Variants in ZNF423 observed in about 807,000 individuals in gnomAD.
ZNF423 encodes the protein Ebf-associated zinc finger protein.
In ZNF423, 12 loss-of-function variants were observed where a neutral mutation model predicts 95.8. The ratio of observed to expected loss-of-function variants is 0.13; its 90% CI spans 0.08 to 0.20. The LOEUF (loss-of-function observed/expected upper bound fraction) is 0.20. ZNF423 is among the 10% of genes least tolerant of loss of function. The pLI, the probability that ZNF423 is intolerant of heterozygous loss-of-function variation, is 1.00. For missense variants in ZNF423, 1,316 were observed against 1,737.1 expected, an observed-to-expected ratio of 0.76 and a Z score of 4.31; for synonymous variants, 749 against 711.9, an observed-to-expected ratio of 1.05 and a Z score of -0.83.
intron 5 of ZNF423, among the ~76,000 whole-genome samples, chr16:49,532,322 G>A (rs542782490): frequency 1.3e-5 from 2 of 152,244 alleles, no homozygotes; most frequent in East Asian, 3.9e-4. Context: ...ACCCTTCGGT[G>A]TCCTCCTCAC....
intron 4 of ZNF423, among the ~76,000 whole-genome samples, chr16:49,629,335 T>C (rs1972415800): frequency 6.6e-6 from 1 of 152,244 alleles, no homozygotes; most frequent in African/African-American, 2.4e-5. Flanking sequence ...TTATACTTAG[T>C]GTAATTGTCA....
chr16:49,763,503 G>A (rs1469639981), intron 2 of ZNF423, among the ~76,000 whole-genome samples: 1 of 152,032 alleles, frequency 6.6e-6, no homozygotes, highest in Non-Finnish European at 1.5e-5. Flanking sequence ...TTACATAAAT[G>A]AGCACACAAA....
At chr16:49,723,955 C>A (rs765074340) in intron 3 of ZNF423, among the ~76,000 whole-genome samples, 5 of 152,252 alleles carry the variant, frequency 3.3e-5, no homozygotes, top group Non-Finnish European at 5.9e-5. Context: ...TGTCCCCACT[C>A]CCTGTTCCTT....
At chr16:49,622,327 G>A (rs1447950387) in intron 5 of ZNF423, among the ~76,000 whole-genome samples, 3 of 152,058 alleles carry the variant, frequency 2.0e-5, no homozygotes, top group Non-Finnish European at 4.4e-5. Context: ...TATCGGAGGT[G>A]CTCCATGGCT....
intron 5 of ZNF423, among the ~76,000 whole-genome samples, chr16:49,552,224 G>C (rs1375293131): frequency 1.3e-5 from 2 of 152,186 alleles, no homozygotes; most frequent in Non-Finnish European, 2.9e-5. Flanking sequence ...CCTTGAACTA[G>C]GAGACCAGGG....
At chr16:49,732,602 T>G (rs1342795734) in intron 2 of ZNF423, among the ~76,000 whole-genome samples, 2 of 152,140 alleles carry the variant, frequency 1.3e-5, no homozygotes, top group Non-Finnish European at 2.9e-5. Flanking sequence ...AACATCACAG[T>G]TACAGGAAAA....
upstream of ZNF423, chr16:49,856,230 CCCTCCT>C (rs1365595708): frequency 7.2e-6 from 1 of 139,254 alleles, no homozygotes; most frequent in Non-Finnish European, 1.6e-5. Flanking sequence ...GCCACCCTCA[CCCTCCT>C]CCTCCTTCTC....
At chr16:49,759,028 C>T (rs1214727123) in intron 2 of ZNF423, among the ~76,000 whole-genome samples, 1 of 152,172 alleles carries the variant, frequency 6.6e-6, no homozygotes, top group African/African-American at 2.4e-5. Context: ...CTAAGTTCTA[C>T]ATTGACTTTG....
chr16:49,836,645 G>A (rs760110464), intron 1 of ZNF423, among the ~76,000 whole-genome samples: 4 of 152,104 alleles, frequency 2.6e-5, no homozygotes, highest in Non-Finnish European at 5.9e-5. Flanking sequence ...AACCTCACAG[G>A]GCTGCAGAGG....
In ZNF423 at chr16:49,490,175, A is replaced by T. The variant is rs1966905485; in HGVS notation, c.*1100T>A. ...CACACATCTCCGTGCCTCAGAACCCAAGTGCCACCTGGAGTCCTGGCAAGG... is the reference window on the plus strand; with the variant it reads ...CACACATCTCCGTGCCTCAGAACCCTAGTGCCACCTGGAGTCCTGGCAAGG... On this transcript the variant is annotated 3_prime_UTR_variant, in exon 8 of 8. Coordinates refer to ENST00000563137, the MANE Select transcript of ZNF423 (RefSeq NM_001379286.1). The T allele has an allele frequency of 6.6e-6, 1 of 152,234 alleles. No individual in the cohort carries two copies. Among genetic ancestry groups the T allele is most frequent in the Non-Finnish European group, 1.5e-5 (1 of 68,076 alleles). The allele number at this position is 152,234 out of a possible 1,614,324, so 9.4% of individuals were successfully genotyped here. A position where few individuals can be genotyped will look rare whatever the true frequency, so the allele number is the denominator to read the frequency against.
At chr16:49,516,134 C>T (rs1968132622) in intron 7 of ZNF423, among the ~76,000 whole-genome samples, 1 of 152,194 alleles carries the variant, frequency 6.6e-6, no homozygotes, top group South Asian at 2.1e-4. Context: ...AAGGGGGACC[C>T]GAAGCCCCGG....
At chr16:49,777,133 G>A (rs2034134671) in intron 2 of ZNF423, among the ~76,000 whole-genome samples, 1 of 152,214 alleles carries the variant, frequency 6.6e-6, no homozygotes, top group Non-Finnish European at 1.5e-5. Context: ...GTGTGGGTGT[G>A]CATTATGCAT....
At chr16:49,822,470 G>A (rs750863261) in intron 1 of ZNF423, among the ~76,000 whole-genome samples, 12 of 152,028 alleles carry the variant, frequency 7.9e-5, no homozygotes, top group Non-Finnish European at 1.6e-4. Flanking sequence ...CACCACATCC[G>A]GCCCCCTGCA....
At chr16:49,809,523 C>T (rs1032974702) in intron 1 of ZNF423, among the ~76,000 whole-genome samples, 3 of 152,160 alleles carry the variant, frequency 2.0e-5, no homozygotes, top group African/African-American at 7.2e-5. Context: ...ACACCCAGGT[C>T]CTGCTGGTCC....
chr16:49,795,365 A>G (rs562458857), intron 1 of ZNF423, among the ~76,000 whole-genome samples: 1 of 152,272 alleles, frequency 6.6e-6, no homozygotes, highest in Admixed American at 6.5e-5. Context: ...ACACATGCCA[A>G]TCCAGCTCCC....
At position 49,846,436 on chromosome 16, in the gene ZNF423, C is replaced by G. The variant is rs569251255; in HGVS notation, c.40+9299G>C. Among the ~76,000 whole-genome samples, 4 of 152,296 alleles carry G rather than the reference C, an allele frequency of 2.6e-5. No homozygotes were observed. In the East Asian group the frequency reaches 7.7e-4, roughly 29 times the overall value. ...CCCAAAGAAGTGTAAATGAAGTGAG[C>G]TCCAAGGTTCCTTTTCAACCTGTGT... On this transcript the variant is annotated intron_variant, in intron 1 of 7. Transcript: ENST00000563137.
At chr16:49,526,561 G>A (rs1187252636) in intron 5 of ZNF423, among the ~76,000 whole-genome samples, 1 of 152,146 alleles carries the variant, frequency 6.6e-6, no homozygotes, top group Non-Finnish European at 1.5e-5. Flanking sequence ...AAGCTCATGT[G>A]CAGTAAGATG....
At chr16:49,540,031 G>A (rs1351384962) in intron 5 of ZNF423, among the ~76,000 whole-genome samples, 1 of 152,164 alleles carries the variant, frequency 6.6e-6, no homozygotes, top group African/African-American at 2.4e-5. Context: ...GAGGACCAGT[G>A]AGAGGGGCCA....
chr16:49,536,699 G>A (rs1216933563), intron 5 of ZNF423, among the ~76,000 whole-genome samples: 1 of 152,104 alleles, frequency 6.6e-6, no homozygotes, highest in Non-Finnish European at 1.5e-5. Flanking sequence ...TTACAGGTAT[G>A]AGCCACTGTG....
Sources: allele counts gnomAD v4.1 joint callset (sites outside exome capture counted in the v4.1 genomes callset), GRCh38; gene constraint gnomAD v4.1.1; transcripts MANE v1.5; gene names NCBI Gene and HGNC (gene_info 2026-07-23, HGNC 2026-07-21).